The following PMFBP1 variants were observed in gnomAD, a reference collection of about 807,000 sequenced individuals.
PMFBP1 encodes polyamine-modulated factor 1-binding protein 1.
A neutral mutation model predicts 137.8 loss-of-function variants in PMFBP1; 131 were observed. The ratio of observed to expected loss-of-function variants is 0.95; its 90% CI spans 0.82 to 1.10. The LOEUF is 1.10. PMFBP1 is among the 50% of genes least tolerant of loss of function. The pLI is 0.00. For missense variants in PMFBP1, 1,199 were observed against 1,175.4 expected (o/e 1.02, Z -0.29); for synonymous variants, 490 against 450.4 (o/e 1.09, Z -1.11).
At chr16:72,210,122 A>C in the PMFBP1 span, among the ~76,000 whole-genome samples, 1 of 152,146 alleles carries the variant, frequency 6.6e-6, no homozygotes, top group Admixed American at 6.5e-5. Context: ...ATTAGGAGTG[A>C]ATTCTGTTTC....
chr16:72,168,397 T>C (rs2043176162), intron 2 of PMFBP1, among the ~76,000 whole-genome samples: 1 of 152,256 alleles, frequency 6.6e-6, no homozygotes, highest in Non-Finnish European at 1.5e-5. Context: ...GTGAACCTAA[T>C]TTCTTGCTGG....
chr16:72,185,675 G>A, the PMFBP1 span, among the ~76,000 whole-genome samples: 1 of 152,158 alleles, frequency 6.6e-6, no homozygotes, highest in East Asian at 1.9e-4. Context: ...AAACTCCATA[G>A]ATCAAGGGAT....
intron 2 of PMFBP1, among the ~76,000 whole-genome samples, chr16:72,166,257 T>C (rs2043143043): frequency 6.6e-6 from 1 of 152,070 alleles, no homozygotes; most frequent in South Asian, 2.1e-4. Context: ...ATGCTGTTCT[T>C]GTAATAGTGA....
chr16:72,148,480 T>C (rs1597478372), intron 5 of PMFBP1, among the ~76,000 whole-genome samples: 1 of 152,168 alleles, frequency 6.6e-6, no homozygotes, highest in East Asian at 1.9e-4. Flanking sequence ...GTAACAAACC[T>C]GCACGTTGTG....
rs1220440195 is a variant in PMFBP1 at position 72,140,493 on chromosome 16, C to T, written c.726G>A (p.Leu242=). 1.2e-6 allele frequency: 2 copies of T among 1,613,446 alleles called. No homozygotes were observed. The highest frequency in any genetic ancestry group is 1.3e-5 in the African/African-American group (1 of 75,036). Residue 242 remains leucine (L), a synonymous_variant, in exon 6 of 21, where the codon CTG becomes CTA. Coordinates refer to ENST00000237353, the MANE Select transcript of PMFBP1 (RefSeq NM_031293.3). ...IQEHQETQKR[L]SEVWQKVSQQ... ...GAGAGACCTTTTGCCAGACTTCAGA[C>T]AGTCGTTTCTGAGTCTCCTGATGCT...
chr16:72,178,018 A>T (rs553660292), upstream of PMFBP1, among the ~76,000 whole-genome samples: 2 of 152,046 alleles, frequency 1.3e-5, no homozygotes, highest in African/African-American at 4.8e-5. Context: ...CAGCCTCCCA[A>T]GTAGCTGGGA....
chr16:72,201,169 CT>C, the PMFBP1 span, among the ~76,000 whole-genome samples: 20 of 152,192 alleles, frequency 1.3e-4, no homozygotes, highest in Non-Finnish European at 2.8e-4. Context: ...CCCAGCAATA[CT>C]TTAACAGTGA....
downstream of PMFBP1, among the ~76,000 whole-genome samples, chr16:72,116,995 G>A (rs372975362): frequency 1.2e-4 from 17 of 138,470 alleles, 1 homozygote; most frequent in East Asian, 3.0e-3. Flanking sequence ...GATCCCTTAA[G>A]ATTCCATGTG....
the PMFBP1 span, among the ~76,000 whole-genome samples, chr16:72,219,384 T>A: frequency 3.3e-5 from 5 of 151,958 alleles, no homozygotes; most frequent in South Asian, 2.1e-4. Context: ...GAGAGATGGG[T>A]CTGAAGCAGG....
At chr16:72,123,783 G>A (rs2144239075) in intron 17 of PMFBP1, 134 bp from the exon 18 acceptor site, 1 of 729,288 alleles carries the variant, frequency 1.4e-6, no homozygotes, top group East Asian at 2.7e-5. Context: ...GGCCAGAGTT[G>A]TGGAGTTGCC....
the PMFBP1 span, among the ~76,000 whole-genome samples, chr16:72,191,732 G>C: frequency 7.4e-3 from 1,124 of 152,168 alleles, 22 homozygotes; most frequent in Non-Finnish European, 7.8e-3. Flanking sequence ...TTCTCCTCTT[G>C]AGGTATGAGG....
At chr16:72,192,049 C>T in the PMFBP1 span, among the ~76,000 whole-genome samples, 3 of 152,190 alleles carry the variant, frequency 2.0e-5, no homozygotes. Context: ...TATGTGGCTT[C>T]TAAGTGTTTC....
intron 7 of PMFBP1, among the ~76,000 whole-genome samples, chr16:72,137,988 G>C (rs2042658640): frequency 6.6e-6 from 1 of 152,066 alleles, no homozygotes; most frequent in African/African-American, 2.4e-5. Context: ...GGAAAAAGCT[G>C]GCGTGGGTCT....
intron 3 of PMFBP1, among the ~76,000 whole-genome samples, chr16:72,155,137 A>C (rs2042962885): frequency 6.6e-6 from 1 of 152,106 alleles, no homozygotes; most frequent in African/African-American, 2.4e-5. Flanking sequence ...CATTCACTCA[A>C]CAGACACAGG....
At chr16:72,167,411 A>T (rs1287863386) in intron 2 of PMFBP1, among the ~76,000 whole-genome samples, 1 of 152,010 alleles carries the variant, frequency 6.6e-6, no homozygotes, top group Non-Finnish European at 1.5e-5. Context: ...TTTGTTCCTC[A>T]CTTCCAGAAA....
At chr16:72,140,060 GC>G (rs1416544219) in intron 6 of PMFBP1, among the ~76,000 whole-genome samples, 1 of 152,178 alleles carries the variant, frequency 6.6e-6, no homozygotes, top group Non-Finnish European at 1.5e-5. Context: ...GTCACAAAGC[GC>G]CTTCCATGCA....
chr16:72,203,324 C>T, the PMFBP1 span, among the ~76,000 whole-genome samples: 3 of 152,162 alleles, frequency 2.0e-5, no homozygotes. Context: ...TCACTTAATC[C>T]CCCACCACTG....
chr16:72,201,626 T>A, the PMFBP1 span, among the ~76,000 whole-genome samples: 5 of 152,212 alleles, frequency 3.3e-5, no homozygotes, highest in Non-Finnish European at 5.9e-5. Context: ...CCTTTAACAT[T>A]GAAGCAGATC....
the PMFBP1 span, among the ~76,000 whole-genome samples, chr16:72,227,750 A>T: frequency 5.0e-4 from 76 of 152,280 alleles, no homozygotes; most frequent in African/African-American, 1.7e-3. Flanking sequence ...ACTAATCCTC[A>T]TTAAGCCTCA....
Sources: allele counts gnomAD v4.1 joint callset (sites outside exome capture counted in the v4.1 genomes callset), GRCh38; gene constraint gnomAD v4.1.1; transcripts MANE v1.5; gene names NCBI Gene and HGNC (gene_info 2026-07-23, HGNC 2026-07-21).